The following NME4 variants were observed in gnomAD, a reference collection of about 807,000 sequenced individuals.
NME4 encodes NME/NM23 nucleoside diphosphate kinase 4.
A neutral mutation model predicts 16.4 loss-of-function variants in NME4; 21 were observed. The observed-to-expected ratio is 1.28, with a 90% CI of 0.91 to 1.84. NME4 has a LOEUF of 1.84. Ranked by LOEUF, NME4 falls within the 40% of genes most tolerant of loss-of-function variation. NME4 has a pLI of 0.00. For synonymous variants in NME4, 132 were observed against 107.5 expected (o/e 1.23, Z -1.41); for missense variants, 316 against 261.3 (o/e 1.21, Z -1.44).
At position 400,581 on chromosome 16, in the gene NME4, G is replaced by A. The variant is rs887200292; in HGVS notation, c.*239G>A. The A allele has an allele frequency of 1.2e-5, 6 of 486,602 alleles. No individual in the cohort carries two copies. The highest frequency in any genetic ancestry group is 6.5e-5 in the East Asian group (2 of 30,984). 30.1% of individuals were successfully genotyped at this position (486,602 alleles called of 1,614,324 possible). On this transcript the variant is annotated 3_prime_UTR_variant, in exon 5 of 5. Coordinates refer to ENST00000219479, the MANE Select transcript of NME4 (RefSeq NM_005009.3). ...AAGTGCCGGACAACCTTTGTGGTGG[G>A]GGGGGGTCTTCACATTATCATAACC...
chr16:397,812 C>G, intron 1 of NME4: 4 of 1,476,134 alleles, frequency 2.7e-6, no homozygotes, highest in Non-Finnish European at 3.6e-6. Context: ...CGTCAGGCCC[C>G]AAGTCCCCGG....
At chr16:398,123 C>T (rs1597183486) in intron 1 of NME4, 1 of 1,534,502 alleles carries the variant, frequency 6.5e-7, no homozygotes, top group East Asian at 2.5e-5. Context: ...CTCTGGAAAC[C>T]AGGGACCCGA....
At position 399,027 on chromosome 16, in the gene NME4, G is replaced by T. The variant is rs370029465; in HGVS notation, c.129G>T (p.Ala43=). Residue 43 remains alanine (A), a synonymous_variant, in exon 2 of 5, where the codon GCG becomes GCT. Coordinates refer to ENST00000219479, the MANE Select transcript of NME4 (RefSeq NM_005009.3). The part of the protein sequence containing the change: ...PSWTRERTLV[A]VKPDGVQRRL... ...GGACCCGGGAGCGGACCCTGGTGGC[G>T]GTGAAGCCCGATGGCGTGCAACGGC... is the stretch of plus-strand genomic sequence containing the variant. 6.2e-7 allele frequency: 1 copy of T among 1,609,614 alleles called. No individual in the cohort carries two copies. The highest frequency in any genetic ancestry group is 1.1e-5 in the South Asian group (1 of 91,070).
intron 1 of NME4, chr16:398,724 T>G (rs1036027354): frequency 7.2e-6 from 4 of 552,638 alleles, no homozygotes; most frequent in Non-Finnish European, 1.3e-5. Context: ...CGGGGCGATC[T>G]CAGGCAGCCT....
chr16:399,885 G>A (rs1157032629), intron 4 of NME4, 146 bp downstream of exon 4: 2 of 696,752 alleles, frequency 2.9e-6, no homozygotes, highest in Admixed American at 2.4e-5. Context: ...TGAGAGCCGT[G>A]TTCTCCCAGG....
In NME4 at chr16:399,682, A is replaced by G. The variant is rs1246755190; in HGVS notation, c.383A>G (p.Asp128Gly). The G allele has an allele frequency of 6.2e-7, 1 of 1,613,028 alleles. No individual in the cohort carries two copies. The highest frequency in any genetic ancestry group is 8.5e-7 in the Non-Finnish European group (1 of 1,179,902). Reference sequence around the variant, plus strand: ...TCGAGGGCCATGATTGGACACACCGACTCGGCTGAGGCTGCCCCAGGAACC... The same window carrying G: ...TCGAGGGCCATGATTGGACACACCGGCTCGGCTGAGGCTGCCCCAGGAACC... Reference protein sequence around the residue: ...RASRAMIGHTDSAEAAPGTIR... With the variant: ...RASRAMIGHTGSAEAAPGTIR... The change falls in exon 4 of 5, where the codon GAC becomes GGC. Residue 128 changes from aspartate to glycine, a missense_variant. Asp to Gly is a moderately conservative substitution (Grantham distance 94). Transcript: ENST00000219479.
At chr16:399,836 C>G in intron 4 of NME4, 97 bp downstream of exon 4, 1 of 1,044,900 alleles carries the variant, frequency 9.6e-7, no homozygotes, top group Non-Finnish European at 1.5e-6. Context: ...TCTTGCTGTG[C>G]TAGGATGAAG....
chr16:400,198 A>G (rs2054632589), intron 4 of NME4, 21 bp from the exon 5 acceptor site: 2 of 1,611,110 alleles, frequency 1.2e-6, no homozygotes, highest in Non-Finnish European at 8.5e-7. Context: ...TGAGCCTCAC[A>G]TTGCTCCTGT....
intron 1 of NME4, 25 bp downstream of exon 1, chr16:397,338 G>A: frequency 1.0e-6 from 1 of 967,004 alleles, no homozygotes; most frequent in East Asian, 7.1e-5. Context: ...GCGCCCCGGC[G>A]GGGACGCGGA....
chr16:398,858 C>G, intron 1 of NME4, 132 bp from the exon 2 acceptor site: 1 of 1,241,084 alleles, frequency 8.1e-7, no homozygotes, highest in East Asian at 2.3e-5. Flanking sequence ...CCATCCCTGT[C>G]CCTTCCAGAG....
intron 4 of NME4, 125 bp downstream of exon 4, chr16:399,864 G>T: frequency 1.3e-6 from 1 of 760,780 alleles, no homozygotes; most frequent in South Asian, 1.6e-5. Context: ...GGACATGACA[G>T]CTCACACTGG....
intron 1 of NME4, chr16:398,022 C>T: frequency 6.5e-7 from 1 of 1,536,980 alleles, no homozygotes; most frequent in Admixed American, 2.0e-5. Context: ...CCGTGGGCTT[C>T]AGCCGCCTGC....
At chr16:397,964 C>T in intron 1 of NME4, 2 of 1,546,122 alleles carry the variant, frequency 1.3e-6, no homozygotes, top group Non-Finnish European at 1.7e-6. Flanking sequence ...CACAAGGCGC[C>T]CTGCAAACTG....
intron 2 of NME4, 114 bp from the exon 3 acceptor site, chr16:399,265 G>T: frequency 7.1e-7 from 1 of 1,406,868 alleles, no homozygotes; most frequent in Non-Finnish European, 1.0e-6. Flanking sequence ...CTGCGGTGGG[G>T]GTGCTGCCCA....
intron 4 of NME4, 118 bp downstream of exon 4, chr16:399,857 C>A (rs1258585331): frequency 2.5e-6 from 2 of 793,766 alleles, no homozygotes; most frequent in South Asian, 3.1e-5. Context: ...CCAGGTCGGA[C>A]ATGACAGCTC....
chr16:397,785 C>T (rs2054577614), intron 1 of NME4: 6 of 1,331,976 alleles, frequency 4.5e-6, no homozygotes, highest in Non-Finnish European at 5.8e-6. Flanking sequence ...CCAAGTTAGG[C>T]CAGAATCTGA....
chr16:398,569 G>A, intron 1 of NME4: 1 of 459,558 alleles, frequency 2.2e-6, no homozygotes, highest in Non-Finnish European at 3.6e-6. Context: ...TGAGGCCACT[G>A]AGCTGGGCTG....
At chr16:399,792 C>T in intron 4 of NME4, 53 bp downstream of exon 4, 1 of 1,472,376 alleles carries the variant, frequency 6.8e-7, no homozygotes, top group South Asian at 1.1e-5. Context: ...AGGGCCATCA[C>T]TTGGGGTGGT....
chr16:399,986 A>C, intron 4 of NME4: 2 of 691,992 alleles, frequency 2.9e-6, no homozygotes, highest in South Asian at 3.5e-5. Context: ...GGCACGGGGC[A>C]ACTTGGGGGG....
Sources: allele counts gnomAD v4.1 joint callset, GRCh38; gene constraint gnomAD v4.1.1; transcripts MANE v1.5; gene names NCBI Gene and HGNC (gene_info 2026-07-23, HGNC 2026-07-21).